Variants in MAP3K21 observed in about 807,000 individuals in gnomAD.
The protein encoded by MAP3K21 is mitogen-activated protein kinase kinase kinase MLK4.
A neutral mutation model predicts 86.1 loss-of-function variants in MAP3K21; 63 were observed. That is an observed-to-expected ratio of 0.73 (90% CI 0.60 to 0.90). The LOEUF is 0.90. Ranked by LOEUF, MAP3K21 falls within the 40% of genes least tolerant of loss-of-function variation. The pLI, the probability that MAP3K21 is intolerant of heterozygous loss-of-function variation, is 0.00. For missense variants in MAP3K21, 1,220 were observed against 1,367.7 expected (o/e 0.89, Z 1.70); for synonymous variants, 558 against 564.8 (o/e 0.99, Z 0.17).
intron 1 of MAP3K21, among the ~76,000 whole-genome samples, chr1:233,341,270 A>T (rs1221435901): frequency 6.6e-6 from 1 of 152,152 alleles, no homozygotes; most frequent in Non-Finnish European, 1.5e-5. Flanking sequence ...CAGGAAGCGG[A>T]AGTTGGCTGC....
intron 4 of MAP3K21, among the ~76,000 whole-genome samples, chr1:233,358,506 T>A (rs1380375241): frequency 6.6e-6 from 1 of 150,434 alleles, no homozygotes; most frequent in Non-Finnish European, 1.5e-5. Flanking sequence ...CCCAAATTGT[T>A]TTCAGGAATT....
intron 5 of MAP3K21, among the ~76,000 whole-genome samples, chr1:233,367,115 G>A (rs1425317048): frequency 1.3e-5 from 2 of 152,248 alleles, no homozygotes; most frequent in Middle Eastern, 3.4e-3. Flanking sequence ...CAAGACAAAA[G>A]CTTTAAAGCC....
At chr1:233,339,277 T>TTCTTCTTCTTCCTGTTCTTCTTCC (rs1662978856) in intron 1 of MAP3K21, among the ~76,000 whole-genome samples, 2 of 91,492 alleles carry the variant, frequency 2.2e-5, no homozygotes, top group African/African-American at 3.9e-5. Context: ...CCTCTTCTTC[T>TTCTTCTTCTTCCTGTTCTTCTTCC]TCTTCTTCTT....
At chr1:233,359,620 T>C (rs1427319700) in intron 4 of MAP3K21, among the ~76,000 whole-genome samples, 1 of 152,164 alleles carries the variant, frequency 6.6e-6, no homozygotes, top group East Asian at 1.9e-4. Context: ...TGGCTCCTTA[T>C]CTCTGTGTGT....
At chr1:233,338,136 A>T (rs1242571972) in intron 1 of MAP3K21, among the ~76,000 whole-genome samples, 3 of 152,242 alleles carry the variant, frequency 2.0e-5, no homozygotes, top group Admixed American at 1.3e-4. Context: ...TGATTTTCTC[A>T]TTAAAACTGA....
chr1:233,371,817 GATTC>G (rs989462969), intron 5 of MAP3K21, among the ~76,000 whole-genome samples: 5 of 150,686 alleles, frequency 3.3e-5, no homozygotes, highest in Admixed American at 2.0e-4. Context: ...TATAAGCTCT[GATTC>G]ATTATTTGTG....
chr1:233,372,902 C>T (rs1663714500), intron 6 of MAP3K21: 1 of 152,132 alleles, frequency 6.6e-6, no homozygotes, highest in Admixed American at 6.5e-5. Context: ...TTTGGATCCT[C>T]TCCTTCCTCC....
In MAP3K21 at chr1:233,328,546, G is replaced by A; in HGVS notation, c.518G>A (p.Arg173Gln). 6.5e-7 allele frequency: 1 copy of A among 1,532,902 alleles called. No homozygotes were observed. The highest frequency in any genetic ancestry group is 8.7e-7 in the Non-Finnish European group (1 of 1,150,960). The allele number at this position is 1,532,902 out of a possible 1,614,324, so 95.0% of individuals were successfully genotyped here. ...AAAESVRREARLFAMLRHPNI... is the reference protein window; with the variant it reads ...AAAESVRREAQLFAMLRHPNI... ...GCCGAGAGCGTGCGGCGCGAGGCTCGGCTCTTCGCCATGCTGCGGCACCCC... is the reference window on the plus strand; with the variant it reads ...GCCGAGAGCGTGCGGCGCGAGGCTCAGCTCTTCGCCATGCTGCGGCACCCC... Residue 173 changes from arginine to glutamine, a missense_variant, in exon 1 of 10, where the codon CGG becomes CAG. Around this residue, in one of 5 missense-constraint regions of MAP3K21, gnomAD observed 369 missense variants for 385.3 expected, o/e 0.96. Transcript: ENST00000366624. The surrounding 1 kb of genome is among the most constrained non-coding windows in gnomAD (Gnocchi z 8.7).
rs141209584 is a variant in MAP3K21, at chr1:233,342,195, G to C, written c.806-4247G>C. Among the ~76,000 whole-genome samples the C allele has an allele frequency of 1.6e-4, 24 of 152,332 alleles. No individual in the cohort carries two copies. In the East Asian group the frequency reaches 4.2e-3, roughly 27 times the overall value. On this transcript the variant is annotated intron_variant, in intron 1 of 9. Transcript: ENST00000366624. ...TTCAAAAATTAATCTCACAGAATGA[G>C]ATTTCTGGTTGCTTTGCCCTCTTCT...
chr1:233,367,051 CCTT>C (rs944480485), intron 5 of MAP3K21, among the ~76,000 whole-genome samples: 21 of 152,208 alleles, frequency 1.4e-4, no homozygotes, highest in African/African-American at 4.6e-4. Flanking sequence ...ATTGATTGCT[CCTT>C]CTGTTTATGT....
At chr1:233,376,321 A>T in intron 7 of MAP3K21, 109 bp from the exon 8 acceptor site, 1 of 842,166 alleles carries the variant, frequency 1.2e-6, no homozygotes, top group East Asian at 2.6e-5. Context: ...ACTGAGTACA[A>T]ATGTGTTCTC....
chr1:233,371,919 C>T, intron 5 of MAP3K21, 119 bp from the exon 6 acceptor site: 1 of 953,076 alleles, frequency 1.0e-6, no homozygotes, highest in Non-Finnish European at 1.5e-6. Flanking sequence ...ATCGATCCTG[C>T]AATATTCTTT....
At chr1:233,378,836 G>A in intron 8 of MAP3K21, 95 bp from the exon 9 acceptor site, 2 of 875,686 alleles carry the variant, frequency 2.3e-6, no homozygotes, top group East Asian at 2.7e-5. Context: ...TTTAAAATAT[G>A]TATTTATTAT....
At chr1:233,375,089 C>A (rs918876808) in intron 6 of MAP3K21, among the ~76,000 whole-genome samples, 1 of 151,468 alleles carries the variant, frequency 6.6e-6, no homozygotes, top group Admixed American at 6.6e-5. Context: ...TTACAGGCGC[C>A]CGCCACCATG....
At chr1:233,346,665 A>C in intron 2 of MAP3K21, 43 bp downstream of exon 2, 2 of 1,555,080 alleles carry the variant, frequency 1.3e-6, no homozygotes, top group South Asian at 1.1e-5. Context: ...ACTGCTTGCT[A>C]TGCTTTATTT....
intron 6 of MAP3K21, chr1:233,373,958 T>G (rs548017143): frequency 2.0e-5 from 3 of 151,918 alleles, no homozygotes; most frequent in South Asian, 2.1e-4. Context: ...AAGCCGAGAG[T>G]GTAGATAGCT....
chr1:233,363,939 G>A (rs995251932), intron 5 of MAP3K21, among the ~76,000 whole-genome samples: 13 of 151,940 alleles, frequency 8.6e-5, no homozygotes, highest in South Asian at 4.2e-4. Context: ...TCTTGAACCC[G>A]GGAGCTGGAA....
Position 233,382,627 on chromosome 1 carries a change from G to A in MAP3K21, c.3027G>A (p.Arg1009=), listed in dbSNP as rs752915062. The A allele has an allele frequency of 4.3e-6, 7 of 1,613,994 alleles. No individual in the cohort carries two copies. Among genetic ancestry groups the A allele is most frequent in the Middle Eastern group, 1.6e-4 (1 of 6,082 alleles). The change falls in exon 10 of 10, where the codon AGG becomes AGA. Residue 1009 remains arginine (R), a synonymous_variant. Coordinates refer to ENST00000366624, the MANE Select transcript of MAP3K21 (RefSeq NM_032435.3). ...LLDADVEGQS[R]DYTVPLCRMR... is the part of the protein sequence containing the mutation. Reference sequence around the variant, plus strand: ...ATGCTGACGTGGAAGGTCAGAGCAGGGACTACACTGTGCCACTGTGCAGAA... The same window carrying A: ...ATGCTGACGTGGAAGGTCAGAGCAGAGACTACACTGTGCCACTGTGCAGAA...
Position 233,327,922 on chromosome 1 carries a change from C to T in MAP3K21, c.-107C>T. 1 of 890,500 alleles carries T rather than the reference C, an allele frequency of 1.1e-6. No homozygotes were observed. The highest frequency in any genetic ancestry group is 1.5e-6 in the Non-Finnish European group (1 of 681,020). 55.2% of individuals were successfully genotyped at this position (890,500 alleles called of 1,614,324 possible). Reference sequence around the variant, plus strand: ...TCACCGATCGCGATTCCTACCCCCTCGCCTTCCCCCGGCGCCGACGGCCAC... The same window carrying T: ...TCACCGATCGCGATTCCTACCCCCTTGCCTTCCCCCGGCGCCGACGGCCAC... On this transcript the variant is annotated 5_prime_UTR_variant, in exon 1 of 10. Transcript: ENST00000366624.
Sources: gnomAD v4.1 joint callset for allele counts (sites outside exome capture counted in the v4.1 genomes callset) on GRCh38, gnomAD v4.1.1 for gene constraint, gnomAD v4.1.1 regional missense constraint, Gnocchi (gnomAD v3.1) non-coding constraint, MANE v1.5 for transcripts, NCBI Gene and HGNC (gene_info 2026-07-23, HGNC 2026-07-21) for gene names.